Variants in RPA1 observed in about 807,000 individuals in gnomAD.
RPA1 encodes replication protein A1.
In RPA1, 49 loss-of-function variants were observed where a neutral mutation model predicts 83.0. The observed-to-expected ratio is 0.59, with a 90% CI of 0.47 to 0.75. The LOEUF is 0.75. RPA1 is among the 30% of genes least tolerant of loss of function. The pLI is 0.00. For synonymous variants in RPA1, 279 were observed against 281.8 expected, an observed-to-expected ratio of 0.99 and a Z score of 0.10; for missense variants, 693 against 776.1, an observed-to-expected ratio of 0.89 and a Z score of 1.27.
At chr17:1,885,525 G>T (rs1913957682) in intron 13 of RPA1, among the ~76,000 whole-genome samples, 1 of 152,002 alleles carries the variant, frequency 6.6e-6, no homozygotes, top group African/African-American at 2.4e-5. Flanking sequence ...AGGCTGGAGT[G>T]CACTGGCTTG....
At position 1,866,383 on chromosome 17, in the gene RPA1, C is replaced by G. The variant is rs575847457; in HGVS notation, c.362-6051C>G. On this transcript the variant is annotated intron_variant, in intron 5 of 16. Transcript: ENST00000254719. ...AGGGTGGAGTGCAATGGCGCAATCTCGGCTCAGTGCAACCTCTGCCTCTTG... is the reference window on the plus strand; with the variant it reads ...AGGGTGGAGTGCAATGGCGCAATCTGGGCTCAGTGCAACCTCTGCCTCTTG... Among the ~76,000 whole-genome samples the G allele has an allele frequency of 2.0e-5, 3 of 152,034 alleles. No individual in the cohort carries two copies. The South Asian group carries it at 6.2e-4, about 32-fold the overall frequency.
intron 4 of RPA1, among the ~76,000 whole-genome samples, chr17:1,849,205 C>T (rs1376762053): frequency 2.6e-5 from 4 of 151,766 alleles, no homozygotes; most frequent in Admixed American, 2.0e-4. Context: ...CATAGAGTTT[C>T]AGTTAAACTT....
At chr17:1,872,345 C>T (rs978430174) in intron 5 of RPA1, 89 bp from the exon 6 acceptor site, 2 of 1,524,910 alleles carry the variant, frequency 1.3e-6, no homozygotes, top group Non-Finnish European at 1.8e-6. Context: ...AAAAAATTTA[C>T]ACTTTCCCAG....
In RPA1 at chr17:1,884,463, G is replaced by T. The variant is rs889709766; in HGVS notation, c.1374+519G>T. On this transcript the variant is annotated intron_variant, in intron 13 of 16. Coordinates refer to ENST00000254719, the MANE Select transcript of RPA1 (RefSeq NM_002945.5). This position sits in a 1 kb window ranked among gnomAD's most constrained non-coding sequence, Gnocchi z 4.1. ...TGGCCCTGACATTTGACTTTTAGTT[G>T]CAGCTTTTTCCTTTCAGTGTTTGTA... 6.6e-6 allele frequency among the ~76,000 whole-genome samples: 1 copy of T among 152,140 alleles called. No individual in the cohort carries two copies. Among genetic ancestry groups the T allele is most frequent in the Non-Finnish European group, 1.5e-5 (1 of 68,028 alleles).
rs1035985532 is a variant in RPA1, at chr17:1,899,911, C to G, written c.*2736C>G. 10 of 152,178 alleles carry G rather than the reference C, an allele frequency of 6.6e-5. No homozygotes were observed. Among genetic ancestry groups the G allele is most frequent in the Non-Finnish European group, 1.0e-4 (7 of 68,054 alleles). 9.4% of individuals were successfully genotyped at this position (152,178 alleles called of 1,614,324 possible). On this transcript the variant is annotated 3_prime_UTR_variant, in exon 17 of 17. Coordinates refer to ENST00000254719, the MANE Select transcript of RPA1 (RefSeq NM_002945.5). ...CTTGTCTCAAAGGGAAGATTCCCCC[C>G]ACTCCCCGGCCACCTTTTATGTGGT...
At chr17:1,862,194 ATTTTTTTTTTTT>A (rs57509401) in intron 5 of RPA1, among the ~76,000 whole-genome samples, 2 of 93,152 alleles carry the variant, frequency 2.1e-5, no homozygotes, top group Non-Finnish European at 3.8e-5. Flanking sequence ...CCCCAACCGT[ATTTTTTTTTTTT>A]TTTTTTTTTT....
At chr17:1,864,407 C>A (rs1039588917) in intron 5 of RPA1, among the ~76,000 whole-genome samples, 1 of 151,754 alleles carries the variant, frequency 6.6e-6, no homozygotes, top group Non-Finnish European at 1.5e-5. Context: ...GGCATAGTGG[C>A]ACGCGCCTGT....
intron 15 of RPA1, among the ~76,000 whole-genome samples, chr17:1,893,520 C>T (rs1029412657): frequency 6.6e-6 from 1 of 151,948 alleles, no homozygotes; most frequent in Non-Finnish European, 1.5e-5. Flanking sequence ...TCACGCCGTG[C>T]GTGACTTGCA....
At chr17:1,894,152 C>T (rs868255202) in intron 15 of RPA1, among the ~76,000 whole-genome samples, 2 of 150,554 alleles carry the variant, frequency 1.3e-5, no homozygotes, top group African/African-American at 4.9e-5. Flanking sequence ...TATAGTCACG[C>T]GCCACCATAC....
chr17:1,867,118 G>A (rs1267017134), intron 5 of RPA1, among the ~76,000 whole-genome samples: 7 of 152,110 alleles, frequency 4.6e-5, no homozygotes, highest in Admixed American at 4.6e-4. Context: ...AGGGAATCGG[G>A]TAAATTATTC....
chr17:1,875,793 A>G lies in RPA1; in HGVS notation c.587A>G (p.Lys196Arg). Residue 196 changes from lysine to arginine, a missense_variant and splice_region_variant, in exon 7 of 17, where the codon AAG becomes AGG. Lys to Arg is a conservative substitution (Grantham distance 26). Coordinates refer to ENST00000254719, the MANE Select transcript of RPA1 (RefSeq NM_002945.5). ...PIASLTPYQS[K>R]WTICARVTNK... ...GCCAGCCTCACTCCTTACCAGTCCA[A>G]GTGAGTTGTTGCATAGAGTAAGTTC... is the stretch of plus-strand genomic sequence containing the variant. 6.2e-7 allele frequency: 1 copy of G among 1,612,756 alleles called. No individual in the cohort carries two copies.
At chr17:1,844,062 T>G in intron 3 of RPA1, 64 bp downstream of exon 3, 1 of 1,446,428 alleles carries the variant, frequency 6.9e-7, no homozygotes, top group Non-Finnish European at 9.6e-7. Flanking sequence ...CACCTGGTCC[T>G]TTGGTTGCCA....
chr17:1,830,466 T>C (rs1911503240), intron 1 of RPA1: 1 of 265,170 alleles, frequency 3.8e-6, no homozygotes, highest in African/African-American at 2.2e-5. Context: ...AGCCACTTCC[T>C]TTCCTCGCCT....
chr17:1,876,019 T>G (rs548046801), intron 7 of RPA1, among the ~76,000 whole-genome samples: 1 of 151,544 alleles, frequency 6.6e-6, no homozygotes, highest in African/African-American at 2.4e-5. Context: ...CAATCTGCCA[T>G]AGCCTGTGGG....
At chr17:1,859,497 AT>A (rs1912855680) in intron 5 of RPA1, among the ~76,000 whole-genome samples, 1 of 152,194 alleles carries the variant, frequency 6.6e-6, no homozygotes, top group Non-Finnish European at 1.5e-5. Flanking sequence ...AAATATCTAT[AT>A]AATTTAGAAT....
intron 15 of RPA1, among the ~76,000 whole-genome samples, chr17:1,893,663 G>A (rs1448832226): frequency 1.3e-5 from 2 of 150,392 alleles, no homozygotes; most frequent in Non-Finnish European, 3.0e-5. Flanking sequence ...TCTAATTCTT[G>A]TCTGTTTACC....
chr17:1,879,344 A>G lies in RPA1; in HGVS notation c.889A>G (p.Thr297Ala), dbSNP rs776817901. Residue 297 changes from threonine (T) to alanine (A), a missense_variant, in exon 10 of 17, where the codon ACG (threonine) becomes GCG (alanine). By Grantham distance (58) the Thr-to-Ala change is moderately conservative. Transcript: ENST00000254719. ...MPCEDDHHLP[T>A]VQFDFTGIDD... ...CTGTGAGGACGACCATCATTTACCTACGGTTCAGTTTGATTTCACGGGGAT... is the reference window on the plus strand; with the variant it reads ...CTGTGAGGACGACCATCATTTACCTGCGGTTCAGTTTGATTTCACGGGGAT... 5.6e-6 allele frequency: 9 copies of G among 1,614,134 alleles called. No individual in the cohort carries two copies. The highest frequency in any genetic ancestry group is 4.5e-5 in the East Asian group (2 of 44,878).
chr17:1,887,409 A>C (rs1914033823), intron 13 of RPA1, among the ~76,000 whole-genome samples: 1 of 151,608 alleles, frequency 6.6e-6, no homozygotes, highest in South Asian at 2.1e-4. Flanking sequence ...AAATACAAAA[A>C]TTAGCTGGGC....
rs1303198346 is a variant in RPA1 at position 1,898,592 on chromosome 17, A to G, written c.*1417A>G. The G allele has an allele frequency of 6.6e-6, 1 of 152,150 alleles. No individual in the cohort carries two copies. Among genetic ancestry groups the G allele is most frequent in the South Asian group, 2.1e-4 (1 of 4,822 alleles). The allele number at this position is 152,150 out of a possible 1,614,324, so 9.4% of individuals were successfully genotyped here. ...ATGCCGCCTGCGGAGGCTTTTGGAT[A>G]TGGGGAGTGATGGTGTCCTGTCTGT... On this transcript the variant is annotated 3_prime_UTR_variant, in exon 17 of 17. Coordinates refer to ENST00000254719, the MANE Select transcript of RPA1 (RefSeq NM_002945.5).
Sources: allele counts gnomAD v4.1 joint callset (sites outside exome capture counted in the v4.1 genomes callset), GRCh38; gene constraint gnomAD v4.1.1; non-coding constraint Gnocchi (gnomAD v3.1); transcripts MANE v1.5; gene names NCBI Gene and HGNC (gene_info 2026-07-23, HGNC 2026-07-21).